IFNGR2: variants seen among roughly 807,000 people sequenced by gnomAD.
IFNGR2 encodes interferon gamma receptor 2.
Under a neutral mutation model 41.1 loss-of-function variants are expected in IFNGR2, and 15 were observed. The ratio of observed to expected loss-of-function variants is 0.37; its 90% CI spans 0.24 to 0.56. The LOEUF (loss-of-function observed/expected upper bound fraction) is 0.56, where lower values mean the gene tolerates loss of function less well. Ranked by LOEUF, IFNGR2 falls within the 20% of genes least tolerant of loss-of-function variation. The pLI, the probability that IFNGR2 is intolerant of heterozygous loss-of-function variation, is 0.81. For missense variants in IFNGR2, 362 were observed against 415.7 expected (o/e 0.87, Z 1.12); for synonymous variants, 161 against 171.6 (o/e 0.94, Z 0.48).
At chr21:33,413,108 TC>T (rs1568952015) in intron 1 of IFNGR2, among the ~76,000 whole-genome samples, 2 of 152,128 alleles carry the variant, frequency 1.3e-5, no homozygotes, top group Admixed American at 6.6e-5. Context: ...TTCAGATCTG[TC>T]TGTGTGACTG....
intron 3 of IFNGR2, among the ~76,000 whole-genome samples, chr21:33,423,386 GTTTT>G (rs569258762): frequency 6.7e-6 from 1 of 149,524 alleles, no homozygotes; most frequent in Non-Finnish European, 1.5e-5. Flanking sequence ...GTAATAAAAA[GTTTT>G]TTTTTGTTGT....
intron 2 of IFNGR2, among the ~76,000 whole-genome samples, chr21:33,419,658 C>G (rs2083777729): frequency 6.6e-6 from 1 of 152,152 alleles, no homozygotes; most frequent in African/African-American, 2.4e-5. Flanking sequence ...TGGGCGTAGA[C>G]AGTTGGCAGC....
chr21:33,433,187 C>T (rs780332871), intron 6 of IFNGR2, among the ~76,000 whole-genome samples: 12 of 152,062 alleles, frequency 7.9e-5, no homozygotes, highest in Non-Finnish European at 1.6e-4. Context: ...CGCCCGGCCA[C>T]GCAGACATCT....
At chr21:33,415,274 A>G (rs1035904689) in intron 2 of IFNGR2, among the ~76,000 whole-genome samples, 2 of 152,216 alleles carry the variant, frequency 1.3e-5, no homozygotes, top group East Asian at 3.8e-4. Context: ...TGGAAAGTTC[A>G]TTCTTTCGCT....
At chr21:33,408,942 G>A (rs922117205) in intron 1 of IFNGR2, among the ~76,000 whole-genome samples, 31 of 152,286 alleles carry the variant, frequency 2.0e-4, no homozygotes, top group African/African-American at 7.5e-4. Flanking sequence ...ACTTTGGGAG[G>A]CCGAGGCAGG....
At position 33,436,975 on chromosome 21, in the gene IFNGR2, G is replaced by T; in HGVS notation, c.*13G>T. On this transcript the variant is annotated 3_prime_UTR_variant, in exon 7 of 7. Transcript: ENST00000290219. ...CCAAACGCTTTGAACCAAAGCATGGGCCTAGCCCACTGGCTCCCTGGAAGA... is the reference window on the plus strand; with the variant it reads ...CCAAACGCTTTGAACCAAAGCATGGTCCTAGCCCACTGGCTCCCTGGAAGA... 1.2e-6 allele frequency: 2 copies of T among 1,613,784 alleles called. No individual in the cohort carries two copies. Among genetic ancestry groups the T allele is most frequent in the Non-Finnish European group, 1.7e-6 (2 of 1,179,814 alleles).
chr21:33,421,634 G>A lies in IFNGR2; in HGVS notation c.361G>A (p.Ala121Thr), dbSNP rs776967196. Residue 121 changes from alanine (A) to threonine (T), a missense_variant, in exon 3 of 7, where the codon GCA (alanine) becomes ACA (threonine). Ala to Thr is a moderately conservative substitution (Grantham distance 58). Coordinates refer to ENST00000290219, the MANE Select transcript of IFNGR2 (RefSeq NM_005534.4). Reference protein sequence around the residue: ...VTLRLRAELGALHSAWVTMPW... With the variant: ...VTLRLRAELGTLHSAWVTMPW... ...TCTACGCCTTCGAGCTGAGCTGGGA[G>A]CACTCCATTCTGCCTGGGTGACAAT... 1.2e-6 allele frequency: 2 copies of A among 1,614,102 alleles called. No individual in the cohort carries two copies. Among genetic ancestry groups the A allele is most frequent in the Non-Finnish European group, 1.7e-6 (2 of 1,180,004 alleles).
At chr21:33,415,118 G>T in intron 2 of IFNGR2, 98 bp downstream of exon 2, 2 of 1,416,912 alleles carry the variant, frequency 1.4e-6, no homozygotes, top group Non-Finnish European at 2.0e-6. Flanking sequence ...TGCAGGGTTT[G>T]TTATCAAACC....
intron 4 of IFNGR2, among the ~76,000 whole-genome samples, chr21:33,428,516 G>A (rs371381995): frequency 9.9e-5 from 15 of 152,184 alleles, no homozygotes; most frequent in African/African-American, 2.6e-4. Flanking sequence ...GCATGAGCCC[G>A]TTCCCAGCCT....
At chr21:33,436,740 A>AT in intron 6 of IFNGR2, 88 bp from the exon 7 acceptor site, 2 of 1,109,578 alleles carry the variant, frequency 1.8e-6, no homozygotes, top group Non-Finnish European at 1.3e-6. Context: ...TAAAAATAAA[A>AT]ATAAAATAAA....
chr21:33,414,794 G>A, intron 1 of IFNGR2, 94 bp from the exon 2 acceptor site: 1 of 1,400,590 alleles, frequency 7.1e-7, no homozygotes. Flanking sequence ...TGAGTTGTAT[G>A]AATGACTTAG....
chr21:33,428,839 G>A (rs1226090050), intron 4 of IFNGR2, among the ~76,000 whole-genome samples: 1 of 152,076 alleles, frequency 6.6e-6, no homozygotes, highest in Non-Finnish European at 1.5e-5. Context: ...CCAAGGGCCC[G>A]CCCATACTTT....
intron 1 of IFNGR2, among the ~76,000 whole-genome samples, chr21:33,404,928 G>A (rs2083666564): frequency 6.6e-6 from 1 of 152,098 alleles, no homozygotes; most frequent in Non-Finnish European, 1.5e-5. Flanking sequence ...TTCGAGACCA[G>A]CTTGACCAAC....
intron 1 of IFNGR2, among the ~76,000 whole-genome samples, chr21:33,407,855 C>T (rs1302497573): frequency 3.5e-5 from 5 of 143,996 alleles, no homozygotes; most frequent in African/African-American, 1.0e-4. Context: ...CACCCCCCCC[C>T]GCCAACCCCC....
At chr21:33,430,074 G>A (rs1018048042) in intron 4 of IFNGR2, among the ~76,000 whole-genome samples, 10 of 152,192 alleles carry the variant, frequency 6.6e-5, no homozygotes, top group African/African-American at 2.4e-4. Flanking sequence ...GGGAGGCAGA[G>A]GTTGCAGTGA....
chr21:33,420,104 A>G (rs2083781566), intron 2 of IFNGR2, among the ~76,000 whole-genome samples: 1 of 152,092 alleles, frequency 6.6e-6, no homozygotes, highest in South Asian at 2.1e-4. Context: ...TCTTCATGGA[A>G]GCCCTGGCCA....
intron 2 of IFNGR2, among the ~76,000 whole-genome samples, chr21:33,418,286 A>G (rs554223829): frequency 1.3e-5 from 2 of 152,134 alleles, no homozygotes; most frequent in Admixed American, 1.3e-4. Context: ...CGAACTCCTG[A>G]CCTCAGGTGA....
chr21:33,414,847 T>C, intron 1 of IFNGR2, 41 bp from the exon 2 acceptor site: 1 of 1,580,370 alleles, frequency 6.3e-7, no homozygotes, highest in Non-Finnish European at 8.6e-7. Flanking sequence ...TCCCTCTCTC[T>C]CCTCCCTTCC....
At chr21:33,405,003 C>G (rs1453543444) in intron 1 of IFNGR2, among the ~76,000 whole-genome samples, 1 of 151,656 alleles carries the variant, frequency 6.6e-6, no homozygotes, top group Non-Finnish European at 1.5e-5. Flanking sequence ...CCTGTAATCC[C>G]AACTACTCAG....
Sources: gnomAD v4.1 joint callset for allele counts (sites outside exome capture counted in the v4.1 genomes callset) on GRCh38, gnomAD v4.1.1 for gene constraint, MANE v1.5 for transcripts, NCBI Gene and HGNC (gene_info 2026-07-23, HGNC 2026-07-21) for gene names.